LY6E: variants seen among roughly 807,000 people sequenced by gnomAD.
LY6E encodes the protein lymphocyte antigen 6 family member E.
LY6E carries 4 observed loss-of-function variants against 7.7 expected under a neutral mutation model. That is an observed-to-expected ratio of 0.52 (90% confidence interval 0.25 to 1.18). LY6E has a LOEUF of 1.18. Ranked by LOEUF, LY6E falls within the 50% of genes most tolerant of loss-of-function variation. The pLI, the probability that LY6E is intolerant of heterozygous loss-of-function variation, is 0.14. For missense variants in LY6E, 156 were observed against 168.0 expected (o/e 0.93, Z 0.40); for synonymous variants, 81 against 80.1 (o/e 1.01, Z -0.06).
intron 1 of LY6E, 63 bp from the exon 2 acceptor site, chr8:143,020,820 G>A: frequency 1.2e-6 from 1 of 834,904 alleles, no homozygotes; most frequent in Non-Finnish European, 2.0e-6. Flanking sequence ...TGCAAAGTGG[G>A]GGTGCATGGT....
chr8:143,021,729 C>A lies in LY6E; in HGVS notation c.336C>A (p.Thr112=), dbSNP rs753987106. The part of the protein sequence containing the change: ...AADGGLRASV[T]LLGAGLLLSL... ...ATGGCGGGCTGCGGGCAAGCGTCAC[C>A]CTGCTGGGTGCCGGGCTGCTGCTGA... The change falls in exon 4 of 4, where the codon ACC becomes ACA. Residue 112 remains threonine (T), a synonymous_variant. Transcript: ENST00000292494. 3.1e-6 allele frequency: 5 copies of A among 1,612,880 alleles called. No individual in the cohort carries two copies. The South Asian group carries it at 5.5e-5, about 18-fold the overall frequency.
At position 143,021,590 on chromosome 8, in the gene LY6E, G is replaced by A; in HGVS notation, c.197G>A (p.Ser66Asn). The A allele has an allele frequency of 6.2e-7, 1 of 1,614,008 alleles. No homozygotes were observed. Among genetic ancestry groups the A allele is most frequent in the Non-Finnish European group, 8.5e-7 (1 of 1,180,032 alleles). ...GIGNLVTFGH[S>N]LSKTCSPACP... ...GGGAATCTCGTGACATTTGGCCACA[G>A]CCTGAGCAAGACCTGTTCCCCGGCC... The change falls in exon 4 of 4, where the codon AGC (serine) becomes AAC (asparagine). Residue 66 changes from serine (S) to asparagine (N), a missense_variant. Physicochemically the swap from Ser to Asn is conservative, Grantham distance 46. Coordinates refer to ENST00000292494, the MANE Select transcript of LY6E (RefSeq NM_002346.3).
rs185330105 is a variant in LY6E at position 143,021,967 on chromosome 8, G to T, written c.*178G>T. On this transcript the variant is annotated 3_prime_UTR_variant, in exon 4 of 4. Coordinates refer to ENST00000292494, the MANE Select transcript of LY6E (RefSeq NM_002346.3). ...CAGCCCCTGCCTCTGCCCCAAGTGG[G>T]GCCAGCTGCCCTCACTTCTGGGGTG... 3 of 620,936 alleles carry T rather than the reference G, an allele frequency of 4.8e-6. No individual in the cohort carries two copies. In the South Asian group the frequency reaches 5.9e-5, roughly 12 times the overall value. The allele number at this position is 620,936 out of a possible 1,614,324, so 38.5% of individuals were successfully genotyped here. A position where few individuals can be genotyped will look rare whatever the true frequency, so the allele number is the denominator to read the frequency against.
At chr8:143,021,240 T>C (rs1819211441) in intron 2 of LY6E, 74 bp from the exon 3 acceptor site, 1 of 1,564,206 alleles carries the variant, frequency 6.4e-7, no homozygotes, top group Non-Finnish European at 8.6e-7. Context: ...AATTTCTCAG[T>C]AAATGTCCAC....
At chr8:143,019,309 C>T (rs1819152908) in intron 1 of LY6E, among the ~76,000 whole-genome samples, 1 of 152,216 alleles carries the variant, frequency 6.6e-6, no homozygotes. Context: ...CCCCCACGGC[C>T]TGCCGGCTGG....
chr8:143,021,193 CTT>C lies in LY6E; in HGVS notation c.53-119_53-118del, dbSNP rs1308007396. 9 of 1,423,784 alleles carry C rather than the reference CTT, an allele frequency of 6.3e-6. No individual in the cohort carries two copies. In the Admixed American group the frequency reaches 9.9e-5, roughly 16 times the overall value. 88.2% of individuals were successfully genotyped at this position (1,423,784 alleles called of 1,614,324 possible). The stretch of plus-strand genomic sequence containing the variant: ...GACGGCCAGGGTGGGGTGTCACTGT[CTT>C]TGCTCTGCCTTCAGCCCAGGGCCTG... On this transcript the variant is annotated intron_variant, in intron 2 of 3. Transcript: ENST00000292494.
In LY6E at chr8:143,022,177, TG is replaced by T; in HGVS notation, c.*393del. 4.1e-6 allele frequency: 1 copy of T among 244,776 alleles called. No homozygotes were observed. Among genetic ancestry groups the T allele is most frequent in the Non-Finnish European group, 7.8e-6 (1 of 128,278 alleles). 15.2% of individuals were successfully genotyped at this position (244,776 alleles called of 1,614,324 possible). Reference sequence around the variant, plus strand: ...GCACGTGAGAGCACGTGGCGGCTTCTGGGGGCCATGTTTGGGGAGGGAGGTG... The same window carrying T: ...GCACGTGAGAGCACGTGGCGGCTTCTGGGGCCATGTTTGGGGAGGGAGGTG... On this transcript the variant is annotated 3_prime_UTR_variant, in exon 4 of 4. Coordinates refer to ENST00000292494, the MANE Select transcript of LY6E (RefSeq NM_002346.3).
In LY6E at chr8:143,021,621, C is replaced by T; in HGVS notation, c.228C>T (p.Pro76=). ...SLSKTCSPAC[P]IPEGVNVGVA... is the part of the protein sequence containing the mutation. ...GCAAGACCTGTTCCCCGGCCTGCCC[C>T]ATCCCAGAAGGCGTCAATGTTGGTG... The change falls in exon 4 of 4, where the codon CCC becomes CCT. Residue 76 remains proline, a synonymous_variant. Coordinates refer to ENST00000292494, the MANE Select transcript of LY6E (RefSeq NM_002346.3). The T allele has an allele frequency of 6.2e-7, 1 of 1,614,056 alleles. No homozygotes were observed. Among genetic ancestry groups the T allele is most frequent in the Admixed American group, 1.7e-5 (1 of 60,024 alleles).
Position 143,021,698 on chromosome 8 carries a change from C to A in LY6E, c.305C>A (p.Ala102Glu), listed in dbSNP as rs781214828. ...CCQSFLCNFS[A>E]ADGGLRASVT... ...CAGAGCTTTCTGTGCAATTTCAGTG[C>A]GGCCGATGGCGGGCTGCGGGCAAGC... is the stretch of plus-strand genomic sequence containing the variant. Residue 102 changes from alanine to glutamate, a missense_variant, in exon 4 of 4, where the codon GCG becomes GAG. Ala to Glu is a moderately radical substitution (Grantham distance 107). Transcript: ENST00000292494. 6.2e-7 allele frequency: 1 copy of A among 1,613,436 alleles called. No individual in the cohort carries two copies. The highest frequency in any genetic ancestry group is 8.5e-7 in the Non-Finnish European group (1 of 1,180,046).
intron 1 of LY6E, chr8:143,020,230 G>A (rs1043813736): frequency 5.9e-5 from 9 of 152,414 alleles, no homozygotes; most frequent in African/African-American, 2.2e-4. Flanking sequence ...ACATATAGAT[G>A]TGTATATAGA....
chr8:143,021,724 G>A lies in LY6E; in HGVS notation c.331G>A (p.Val111Ile), dbSNP rs61997238. 6.3e-4 allele frequency: 1,022 copies of A among 1,613,160 alleles called. 14 individuals carry two copies. The African/African-American group carries it at 0.012, about 18-fold the overall frequency. ...GGCCGATGGCGGGCTGCGGGCAAGC[G>A]TCACCCTGCTGGGTGCCGGGCTGCT... ...SAADGGLRASVTLLGAGLLLS... is the reference protein window; with the variant it reads ...SAADGGLRASITLLGAGLLLS... Residue 111 changes from valine to isoleucine, a missense_variant, in exon 4 of 4, where the codon GTC becomes ATC. By Grantham distance (29) the Val-to-Ile change is conservative. Coordinates refer to ENST00000292494, the MANE Select transcript of LY6E (RefSeq NM_002346.3).
chr8:143,020,534 C>G (rs1242371330), intron 1 of LY6E, among the ~76,000 whole-genome samples: 2 of 152,222 alleles, frequency 1.3e-5, no homozygotes, highest in African/African-American at 4.8e-5. Flanking sequence ...GTACCCAGCC[C>G]CAGACTAGCT....
In LY6E at chr8:143,021,945, C is replaced by T. The variant is rs113719829; in HGVS notation, c.*156C>T. The T allele has an allele frequency of 4.5e-6, 3 of 672,620 alleles. No individual in the cohort carries two copies. The allele number at this position is 672,620 out of a possible 1,614,324, so 41.7% of individuals were successfully genotyped here. ...CCCCCTGCACCTCCACCTGCCCCAG[C>T]CCCTGCCTCTGCCCCAAGTGGGGCC... On this transcript the variant is annotated 3_prime_UTR_variant, in exon 4 of 4. Coordinates refer to ENST00000292494, the MANE Select transcript of LY6E (RefSeq NM_002346.3).
chr8:143,019,543 T>C (rs1246559509), intron 1 of LY6E, among the ~76,000 whole-genome samples: 2 of 152,282 alleles, frequency 1.3e-5, no homozygotes, highest in Non-Finnish European at 2.9e-5. Context: ...GGAAAAGGAA[T>C]TGGAGATCCT....
intron 1 of LY6E, among the ~76,000 whole-genome samples, chr8:143,020,091 G>C (rs1386808830): frequency 2.0e-5 from 3 of 152,166 alleles, no homozygotes; most frequent in African/African-American, 7.2e-5. Flanking sequence ...AATGGGGAGT[G>C]CTTTCCCCCT....
chr8:143,021,594 G>A lies in LY6E; in HGVS notation c.201G>A (p.Leu67=). Residue 67 remains leucine, a synonymous_variant, in exon 4 of 4, where the codon CTG becomes CTA. Coordinates refer to ENST00000292494, the MANE Select transcript of LY6E (RefSeq NM_002346.3). ...IGNLVTFGHS[L]SKTCSPACPI... ...ATCTCGTGACATTTGGCCACAGCCT[G>A]AGCAAGACCTGTTCCCCGGCCTGCC... The A allele has an allele frequency of 6.2e-7, 1 of 1,613,958 alleles. No individual in the cohort carries two copies. The highest frequency in any genetic ancestry group is 8.5e-7 in the Non-Finnish European group (1 of 1,180,004).
chr8:143,021,295 G>A lies in LY6E; in HGVS notation c.53-19G>A, dbSNP rs780636461. On this transcript the variant is annotated intron_variant, in intron 2 of 3. Coordinates refer to ENST00000292494, the MANE Select transcript of LY6E (RefSeq NM_002346.3). ...GACACTGGAGGCTTCCCTGAGACAG[G>A]TGTGTCCTCCTTCCGCAGCCAGCTC... 4 of 1,610,718 alleles carry A rather than the reference G, an allele frequency of 2.5e-6. No individual in the cohort carries two copies. The highest frequency in any genetic ancestry group is 1.1e-5 in the South Asian group (1 of 90,792).
chr8:143,019,702 G>A lies in LY6E; in HGVS notation c.-58+1116G>A, dbSNP rs140288599. The stretch of plus-strand genomic sequence containing the variant: ...GCTGCTCTCCCCTTAGGGCCTCTGC[G>A]GGCCCCTCTCCAGATCTGTTCTCTG... On this transcript the variant is annotated intron_variant, in intron 1 of 3. Coordinates refer to ENST00000292494, the MANE Select transcript of LY6E (RefSeq NM_002346.3). 5.4e-3 allele frequency among the ~76,000 whole-genome samples: 822 copies of A among 152,242 alleles called. 5 individuals are homozygous for A. Among genetic ancestry groups the A allele is most frequent in the Non-Finnish European group, 9.2e-3 (629 of 68,008 alleles).
intron 1 of LY6E, among the ~76,000 whole-genome samples, chr8:143,019,427 A>T (rs898926296): frequency 4.6e-5 from 7 of 152,224 alleles, no homozygotes; most frequent in African/African-American, 1.7e-4. Context: ...CCCAGTGAGC[A>T]GGTGGCGGCA....
Sources: allele counts gnomAD v4.1 joint callset (sites outside exome capture counted in the v4.1 genomes callset), GRCh38; gene constraint gnomAD v4.1.1; transcripts MANE v1.5; gene names NCBI Gene and HGNC (gene_info 2026-07-23, HGNC 2026-07-21).